Variants in RBFOX1 observed in about 807,000 individuals in gnomAD.
The protein encoded by RBFOX1 is RNA binding protein fox-1 homolog 1.
In RBFOX1, 8 loss-of-function variants were observed where a neutral mutation model predicts 57.7. That is an observed-to-expected ratio of 0.14 (90% CI 0.08 to 0.25). The LOEUF (loss-of-function observed/expected upper bound fraction) is 0.25, where lower values mean the gene tolerates loss of function less well. RBFOX1 is among the 10% of genes least tolerant of loss of function. RBFOX1 has a pLI of 1.00. For missense variants in RBFOX1, 611 were observed against 548.5 expected, an observed-to-expected ratio of 1.11 and a Z score of -1.14; for synonymous variants, 326 against 222.4, an observed-to-expected ratio of 1.47 and a Z score of -4.15.
intron 1 of RBFOX1, among the ~76,000 whole-genome samples, chr16:6,119,295 C>G (rs2096530778): frequency 6.6e-6 from 1 of 151,914 alleles, no homozygotes. Flanking sequence ...TGCTGTTTGA[C>G]CCTGAGTAGA....
In RBFOX1 at chr16:6,939,852, A is replaced by G. The variant is rs190166859; in HGVS notation, c.-15-112205A>G. On this transcript the variant is annotated intron_variant, in intron 3 of 15. Transcript: ENST00000550418. ...GAGGGTATCATATAGCTGGTGGAAGATACATGTCAAGGCTCTTTGTAATTT... is the reference window on the plus strand; with the variant it reads ...GAGGGTATCATATAGCTGGTGGAAGGTACATGTCAAGGCTCTTTGTAATTT... Among the ~76,000 whole-genome samples, 397 of 152,318 alleles carry G rather than the reference A, an allele frequency of 2.6e-3. 3 individuals are homozygous for G. The highest frequency in any genetic ancestry group is 3.9e-3 in the Non-Finnish European group (264 of 68,038).
chr16:7,304,204 GAGAGAGAGAC>G (rs1416161536), intron 4 of RBFOX1: 1,253 of 891,448 alleles, frequency 1.4e-3, no homozygotes, highest in Admixed American at 2.2e-3. Context: ...GAGAGAGACA[GAGAGAGAGAC>G]AGAGAGAGAG....
chr16:7,564,290 A>C (rs1420492891), intron 5 of RBFOX1, among the ~76,000 whole-genome samples: 1 of 152,104 alleles, frequency 6.6e-6, no homozygotes, highest in East Asian at 1.9e-4. Context: ...CTGTAATCCC[A>C]GCACTTTGGG....
At chr16:6,529,362 C>T (rs1004560188) in intron 2 of RBFOX1, among the ~76,000 whole-genome samples, 1 of 151,988 alleles carries the variant, frequency 6.6e-6, no homozygotes. Flanking sequence ...AGGTGGAGAC[C>T]AGCCTGACCA....
intron 14 of RBFOX1, among the ~76,000 whole-genome samples, chr16:7,698,829 A>G (rs2079659377): frequency 6.6e-6 from 1 of 152,216 alleles, no homozygotes; most frequent in Non-Finnish European, 1.5e-5. Context: ...CCTTCTGTAT[A>G]TGAGGCATAG....
intron 1 of RBFOX1, among the ~76,000 whole-genome samples, chr16:6,163,794 GA>G (rs1302758149): frequency 2.0e-5 from 3 of 152,128 alleles, no homozygotes; most frequent in East Asian, 1.9e-4. Flanking sequence ...GTACCTATAG[GA>G]ATATTTTTTT....
At chr16:6,518,037 C>G (rs931874385) in intron 2 of RBFOX1, among the ~76,000 whole-genome samples, 9 of 152,112 alleles carry the variant, frequency 5.9e-5, no homozygotes, top group Non-Finnish European at 7.4e-5. Flanking sequence ...AAGTTCTTGT[C>G]TGTCTTTGTT....
chr16:6,016,550 A>G (rs1015072674), upstream of RBFOX1, among the ~76,000 whole-genome samples: 7 of 152,202 alleles, frequency 4.6e-5, no homozygotes, highest in African/African-American at 1.7e-4. Flanking sequence ...AAGATGATGA[A>G]ATTTACACTT....
At chr16:5,633,754 A>T (rs2048595333) in intron 3 of RBFOX1, among the ~76,000 whole-genome samples, 1 of 151,962 alleles carries the variant, frequency 6.6e-6, no homozygotes, top group African/African-American at 2.4e-5. Context: ...CATGCCTGTA[A>T]TCGCAGCTGC....
At chr16:7,678,151 C>T (rs2146521783) in intron 14 of RBFOX1, among the ~76,000 whole-genome samples, 1 of 152,284 alleles carries the variant, frequency 6.6e-6, no homozygotes, top group Non-Finnish European at 1.5e-5. Context: ...GCAGCCATAA[C>T]AAGTTCTCAA....
intron 4 of RBFOX1, among the ~76,000 whole-genome samples, chr16:7,103,288 T>C (rs924874305): frequency 6.6e-6 from 1 of 152,146 alleles, no homozygotes; most frequent in African/African-American, 2.4e-5. Context: ...TTATGACGTG[T>C]CCAGTCTCAA....
chr16:6,642,986 A>G (rs1278601652), intron 2 of RBFOX1, among the ~76,000 whole-genome samples: 1 of 152,190 alleles, frequency 6.6e-6, no homozygotes, highest in Non-Finnish European at 1.5e-5. Flanking sequence ...ATCGTGAGTC[A>G]TCTTCATATT....
intron 2 of RBFOX1, among the ~76,000 whole-genome samples, chr16:5,580,437 G>A (rs1417308199): frequency 2.0e-5 from 3 of 152,216 alleles, no homozygotes; most frequent in African/African-American, 4.8e-5. Flanking sequence ...AGGAGTGGGA[G>A]AAGTGGTTGT....
intron 3 of RBFOX1, among the ~76,000 whole-genome samples, chr16:6,747,770 G>C (rs941177817): frequency 6.6e-6 from 1 of 152,068 alleles, no homozygotes; most frequent in Non-Finnish European, 1.5e-5. Flanking sequence ...ATTCCTGGGA[G>C]TTGTCAATCT....
intron 2 of RBFOX1, among the ~76,000 whole-genome samples, chr16:6,434,003 A>G (rs1158884611): frequency 6.6e-6 from 1 of 151,754 alleles, no homozygotes; most frequent in African/African-American, 2.4e-5. Flanking sequence ...ATGCACCACC[A>G]AACCTGGCTA....
chr16:5,474,697 C>T (rs1167469357), intron 2 of RBFOX1, among the ~76,000 whole-genome samples: 1 of 151,132 alleles, frequency 6.6e-6, no homozygotes, highest in African/African-American at 2.4e-5. Context: ...AAGGTGTTCT[C>T]TCTGTATGAC....
In RBFOX1 at chr16:5,999,230, A is replaced by G. The variant is rs554392826; in HGVS notation, c.351+131895A>G. On this transcript the variant is annotated intron_variant, in intron 4 of 19. Coordinates refer to the RBFOX1 transcript ENST00000641259. ...ATTTACTCACCTCTTCCCTTCTCCC[A>G]CCTTATCTCTACCACAGGGCCTTTG... is the stretch of plus-strand genomic sequence containing the variant. 2.6e-5 allele frequency among the ~76,000 whole-genome samples: 4 copies of G among 151,964 alleles called. No homozygotes were observed. In the East Asian group the frequency reaches 7.7e-4, roughly 29 times the overall value.
At chr16:6,568,361 A>G (rs2097296700) in intron 2 of RBFOX1, among the ~76,000 whole-genome samples, 1 of 152,136 alleles carries the variant, frequency 6.6e-6, no homozygotes, top group African/African-American at 2.4e-5. Flanking sequence ...GGGCCTCTTT[A>G]CAGGCTGCTG....
Position 7,449,355 on chromosome 16 carries a change from G to T in RBFOX1, c.28-68792G>T, listed in dbSNP as rs115610853. 3.3e-3 allele frequency among the ~76,000 whole-genome samples: 505 copies of T among 152,296 alleles called. 1 individual carries two copies. Among genetic ancestry groups the T allele is most frequent in the African/African-American group, 0.012 (489 of 41,564 alleles). On this transcript the variant is annotated intron_variant, in intron 4 of 15. Coordinates refer to ENST00000550418, the MANE Select transcript of RBFOX1 (RefSeq NM_018723.4). ...GACACTCTTCAACCCACCATGCCAAGTGAAAGTAGTCAGTGGGGGAGAATG... is the reference window on the plus strand; with the variant it reads ...GACACTCTTCAACCCACCATGCCAATTGAAAGTAGTCAGTGGGGGAGAATG...
Sources: allele counts gnomAD v4.1 joint callset (sites outside exome capture counted in the v4.1 genomes callset), GRCh38; gene constraint gnomAD v4.1.1; transcripts MANE v1.5; gene names NCBI Gene and HGNC (gene_info 2026-07-23, HGNC 2026-07-21).